The following SLC9A7 variants were observed in gnomAD, a reference collection of about 807,000 sequenced individuals.
SLC9A7 encodes the protein sodium/hydrogen exchanger 7.
A neutral mutation model predicts 52.6 loss-of-function variants in SLC9A7; 19 were observed. That is an observed-to-expected ratio of 0.36 (90% confidence interval 0.25 to 0.53). SLC9A7 has a LOEUF of 0.53. SLC9A7 is among the 20% of genes least tolerant of loss of function. SLC9A7 has a pLI of 0.91. For missense variants in SLC9A7, 455 were observed against 597.9 expected (o/e 0.76, Z 2.49); for synonymous variants, 226 against 252.1 (o/e 0.90, Z 0.98).
At chrX:46,730,670 T>TTATATATATACATA (rs1945017084) in intron 1 of SLC9A7, among the ~76,000 whole-genome samples, 2 of 42,928 alleles carry the variant, frequency 4.7e-5, no homozygotes, top group Non-Finnish European at 9.4e-5. Context: ...AAAAAAAAAA[T>TTATATATATACATA]TATATATATA....
In SLC9A7 at chrX:46,735,908, C is replaced by T. The variant is rs370382519; in HGVS notation, c.325+22797G>A. On this transcript the variant is annotated intron_variant, in intron 1 of 16. Transcript: ENST00000616978. ...TCTACTCCTCCCCCTGCCCTCTCCCCGCACCCAGACACCTTGTCTTTAGTT... is the reference window on the plus strand; with the variant it reads ...TCTACTCCTCCCCCTGCCCTCTCCCTGCACCCAGACACCTTGTCTTTAGTT... Among the ~76,000 whole-genome samples the T allele has an allele frequency of 8.1e-5, 9 of 111,153 alleles. No individual in the cohort carries two copies. In the East Asian group the frequency reaches 1.1e-3, roughly 14 times the overall value.
chrX:46,605,963 G>T lies in SLC9A7; in HGVS notation c.*989C>A, dbSNP rs1942736389. ...GAGGTCAGGAGTTTGACACCAGCCT[G>T]GGCAACATGGTGAAACCCCATCTCT... On this transcript the variant is annotated 3_prime_UTR_variant, in exon 17 of 17. Transcript: ENST00000616978. 9.0e-6 allele frequency: 1 copy of T among 111,334 alleles called. No individual in the cohort carries two copies. Among genetic ancestry groups the T allele is most frequent in the Non-Finnish European group, 1.9e-5 (1 of 53,185 alleles). The allele number at this position is 111,334 out of a possible 1,213,427, so 9.2% of individuals were successfully genotyped here.
At chrX:46,737,076 A>G (rs965365248) in intron 1 of SLC9A7, among the ~76,000 whole-genome samples, 3 of 111,337 alleles carry the variant, frequency 2.7e-5, no homozygotes, top group Non-Finnish European at 3.8e-5. Flanking sequence ...TCCTTCCCCA[A>G]TTACAGTGGG....
chrX:46,656,030 C>T (rs1298884754), intron 7 of SLC9A7, among the ~76,000 whole-genome samples: 23 of 110,767 alleles, frequency 2.1e-4, no homozygotes, highest in Admixed American at 1.6e-3. Flanking sequence ...GATCTGAGAA[C>T]GGGCAGACTG....
intron 1 of SLC9A7, among the ~76,000 whole-genome samples, chrX:46,724,409 G>A (rs1242523512): frequency 8.9e-6 from 1 of 112,134 alleles, no homozygotes; most frequent in African/African-American, 3.2e-5. Flanking sequence ...TTTCTGGAGT[G>A]GAGTTATAGG....
intron 1 of SLC9A7, among the ~76,000 whole-genome samples, chrX:46,690,830 T>TA (rs1483174246): frequency 1.8e-5 from 2 of 112,130 alleles, no homozygotes; most frequent in Non-Finnish European, 3.8e-5. Context: ...TACGGGTATC[T>TA]AATTGCTCCA....
intron 2 of SLC9A7, among the ~76,000 whole-genome samples, chrX:46,681,498 G>C (rs141514544): frequency 2.3e-4 from 26 of 112,080 alleles, no homozygotes; most frequent in African/African-American, 8.4e-4. Context: ...AAGGATTAGG[G>C]TAGATTCCAA....
intron 16 of SLC9A7, among the ~76,000 whole-genome samples, chrX:46,609,501 C>T (rs755515039): frequency 1.8e-5 from 2 of 111,068 alleles, no homozygotes; most frequent in South Asian, 7.6e-4. Context: ...GGGTTCGAGA[C>T]CAGCCTGGCC....
chrX:46,623,172 T>C (rs764684077), intron 14 of SLC9A7, among the ~76,000 whole-genome samples: 68 of 111,512 alleles, frequency 6.1e-4, no homozygotes, highest in African/African-American at 2.1e-3. Flanking sequence ...CATGACATGA[T>C]TGGGGCTGCT....
At chrX:46,655,689 G>T (rs1474801457) in intron 7 of SLC9A7, among the ~76,000 whole-genome samples, 2 of 112,755 alleles carry the variant, frequency 1.8e-5, no homozygotes, top group Non-Finnish European at 3.8e-5. Context: ...CGCACCAGGA[G>T]ATTATATCCC....
chrX:46,736,065 A>T (rs1417778470), intron 1 of SLC9A7, among the ~76,000 whole-genome samples: 4 of 111,508 alleles, frequency 3.6e-5, no homozygotes, highest in Non-Finnish European at 7.5e-5. Flanking sequence ...CTCAGCTATT[A>T]CTTCTTCTAA....
In SLC9A7 at chrX:46,652,202, C is replaced by T. The variant is rs188715760; in HGVS notation, c.1148-798G>A. 7.2e-5 allele frequency among the ~76,000 whole-genome samples: 8 copies of T among 111,665 alleles called. No individual in the cohort carries two copies. The East Asian group carries it at 1.7e-3, about 23-fold the overall frequency. ...TATATATTATATATCCCTCAGTGGA[C>T]GGCAGTGGCATGATCTCGGCTCACT... On this transcript the variant is annotated intron_variant, in intron 8 of 16. Coordinates refer to ENST00000616978, the MANE Select transcript of SLC9A7 (RefSeq NM_001257291.2).
At chrX:46,674,609 C>A (rs1944079905) in intron 3 of SLC9A7, among the ~76,000 whole-genome samples, 2 of 111,601 alleles carry the variant, frequency 1.8e-5, no homozygotes, top group Non-Finnish European at 3.8e-5. Context: ...GGTCTCCTGA[C>A]CCCAAAGCAT....
intron 1 of SLC9A7, 126 bp from the exon 2 acceptor site, chrX:46,682,661 G>GT (rs1263750689): frequency 1.5e-5 from 9 of 588,530 alleles, no homozygotes; most frequent in Non-Finnish European, 8.1e-6. Flanking sequence ...CATGGGGTAT[G>GT]TATTTTAGGA....
chrX:46,689,115 C>A (rs1944344004), intron 1 of SLC9A7, among the ~76,000 whole-genome samples: 1 of 111,629 alleles, frequency 9.0e-6, no homozygotes, highest in African/African-American at 3.3e-5. Flanking sequence ...TACCACTCCC[C>A]CAAAACTCTC....
At chrX:46,648,947 CT>C (rs1371535040) in intron 10 of SLC9A7, 150 bp from the exon 11 acceptor site, 5 of 421,151 alleles carry the variant, frequency 1.2e-5, no homozygotes, top group African/African-American at 5.0e-5. Flanking sequence ...TAGTTCCCCC[CT>C]AGACAAGTTT....
chrX:46,699,180 TA>T (rs1944492382), intron 1 of SLC9A7, among the ~76,000 whole-genome samples: 1 of 111,990 alleles, frequency 8.9e-6, no homozygotes, highest in Admixed American at 9.5e-5. Flanking sequence ...AGTTTCCTCA[TA>T]TACAAAATGT....
At position 46,718,378 on chromosome X, in the gene SLC9A7, C is replaced by T. The variant is rs768224726; in HGVS notation, c.326-35843G>A. Among the ~76,000 whole-genome samples, 423 of 111,964 alleles carry T rather than the reference C, an allele frequency of 3.8e-3. 4 individuals carry two copies. The highest frequency in any genetic ancestry group is 0.013 in the African/African-American group (398 of 30,739). ...AACCTAGGCAATACCATTCAGGACA[C>T]AGGCCTGGGCAAGGACTTCATGTCT... is the stretch of plus-strand genomic sequence containing the variant. On this transcript the variant is annotated intron_variant, in intron 1 of 16. Transcript: ENST00000616978.
intron 1 of SLC9A7, among the ~76,000 whole-genome samples, chrX:46,688,369 G>A (rs764732478): frequency 5.4e-5 from 6 of 111,231 alleles, no homozygotes; most frequent in South Asian, 3.8e-4. Flanking sequence ...AGGCCGAGGC[G>A]GGCAGATCAC....
Sources: gnomAD v4.1 joint callset for allele counts (sites outside exome capture counted in the v4.1 genomes callset) on GRCh38, gnomAD v4.1.1 for gene constraint, MANE v1.5 for transcripts, NCBI Gene and HGNC (gene_info 2026-07-23, HGNC 2026-07-21) for gene names.